The following VSTM2L variants were observed in gnomAD, a reference collection of about 807,000 sequenced individuals.
VSTM2L encodes V-set and transmembrane domain-containing protein 2-like protein.
Under a neutral mutation model 19.9 loss-of-function variants are expected in VSTM2L, and 9 were observed. That is an observed-to-expected ratio of 0.45 (90% CI 0.27 to 0.79). The LOEUF is 0.79. VSTM2L is among the 30% of genes least tolerant of loss of function. The pLI is 0.15. For missense variants in VSTM2L, 286 were observed against 295.5 expected (o/e 0.97, Z 0.24); for synonymous variants, 127 against 133.8 (o/e 0.95, Z 0.35).
rs549399353 is a variant in VSTM2L, at chr20:37,938,682, T to C, written c.342+5093T>C. ...GTCTCTTTCAGCGTAACTAGGTGCT[T>C]AATTGCACTGCTAAGGCCTGTCGAT... is the stretch of plus-strand genomic sequence containing the variant. On this transcript the variant is annotated intron_variant, in intron 3 of 3. Coordinates refer to ENST00000373461, the MANE Select transcript of VSTM2L (RefSeq NM_080607.3). 3.3e-5 allele frequency among the ~76,000 whole-genome samples: 5 copies of C among 152,352 alleles called. No individual in the cohort carries two copies. The South Asian group carries it at 1.0e-3, about 32-fold the overall frequency.
In VSTM2L at chr20:37,931,674, C is replaced by A; in HGVS notation, c.161C>A (p.Thr54Lys). The change falls in exon 2 of 4, where the codon ACG becomes AAG. Residue 54 changes from threonine to lysine, a missense_variant. By Grantham distance (78) the Thr-to-Lys change is moderately conservative (BLOSUM62 -1). Transcript: ENST00000373461. The part of the protein sequence containing the change: ...TETPHDMTAR[T>K]GEDVEMACSF... Reference sequence around the variant, plus strand: ...ACACCCCATGACATGACAGCACGGACGGGCGAGGACGTGGAGATGGCCTGC... The same window carrying A: ...ACACCCCATGACATGACAGCACGGAAGGGCGAGGACGTGGAGATGGCCTGC... 6.2e-7 allele frequency: 1 copy of A among 1,613,500 alleles called. No individual in the cohort carries two copies. Among genetic ancestry groups the A allele is most frequent in the Non-Finnish European group, 8.5e-7 (1 of 1,179,996 alleles).
intron 1 of VSTM2L, among the ~76,000 whole-genome samples, chr20:37,924,082 T>A (rs898897214): frequency 4.0e-5 from 6 of 151,754 alleles, no homozygotes; most frequent in African/African-American, 7.3e-5. Flanking sequence ...ACAAAAATTT[T>A]AAAAATTAGC....
chr20:37,944,236 G>A lies in VSTM2L; in HGVS notation c.598G>A (p.Glu200Lys). The A allele has an allele frequency of 6.6e-7, 1 of 1,513,690 alleles. No homozygotes were observed. The allele number at this position is 1,513,690 out of a possible 1,614,324, so 93.8% of individuals were successfully genotyped here. The change falls in exon 4 of 4, where the codon GAG becomes AAG. Residue 200 changes from glutamate (E) to lysine (K), a missense_variant. By Grantham distance (56) the Glu-to-Lys change is moderately conservative. Transcript: ENST00000373461. ...KELRKRSVDQ[E>K]ACSL ...GCTGAGGAAGCGCTCGGTGGACCAGGAGGCCTGCAGCCTCTAGACTGATGC... is the reference window on the plus strand; with the variant it reads ...GCTGAGGAAGCGCTCGGTGGACCAGAAGGCCTGCAGCCTCTAGACTGATGC...
chr20:37,928,420 A>G (rs1568839810), intron 1 of VSTM2L, among the ~76,000 whole-genome samples: 1 of 152,180 alleles, frequency 6.6e-6, no homozygotes, highest in East Asian at 1.9e-4. Flanking sequence ...ACCCTGCTCC[A>G]CCACTGCCCA....
At chr20:37,931,442 G>A (rs2072908221) in intron 1 of VSTM2L, among the ~76,000 whole-genome samples, 193 bp from the exon 2 acceptor site, 1 of 152,138 alleles carries the variant, frequency 6.6e-6, no homozygotes, top group South Asian at 2.1e-4. Flanking sequence ...CACACCCTTG[G>A]CCTGCCTTGC....
chr20:37,925,497 C>T (rs569458462), intron 1 of VSTM2L, among the ~76,000 whole-genome samples: 131 of 152,154 alleles, frequency 8.6e-4, no homozygotes, highest in African/African-American at 3.0e-3. Flanking sequence ...CACTTACCTA[C>T]GTCCACAGCG....
chr20:37,919,429 A>G (rs2072838432), intron 1 of VSTM2L, among the ~76,000 whole-genome samples: 1 of 152,242 alleles, frequency 6.6e-6, no homozygotes, highest in Non-Finnish European at 1.5e-5. Flanking sequence ...GGCCCTGGAC[A>G]CAGCCAGGCT....
intron 1 of VSTM2L, among the ~76,000 whole-genome samples, chr20:37,911,476 A>G (rs1568834222): frequency 6.6e-6 from 1 of 152,222 alleles, no homozygotes; most frequent in Non-Finnish European, 1.5e-5. Flanking sequence ...GGCGGCTAAT[A>G]AAGATCCGTC....
intron 3 of VSTM2L, among the ~76,000 whole-genome samples, chr20:37,936,815 A>G (rs1427692488): frequency 6.6e-6 from 1 of 152,150 alleles, no homozygotes; most frequent in African/African-American, 2.4e-5. Context: ...AGTGCCATGG[A>G]TTAGGCTATG....
rs75427552 is a variant in VSTM2L at position 37,917,692 on chromosome 20, C to T, written c.122-13943C>T. Among the ~76,000 whole-genome samples, 301 of 152,326 alleles carry T rather than the reference C, an allele frequency of 2.0e-3. 3 individuals are homozygous for T. The highest frequency in any genetic ancestry group is 6.2e-3 in the African/African-American group (256 of 41,584). On this transcript the variant is annotated intron_variant, in intron 1 of 3. Transcript: ENST00000373461. ...GCTCCCCCTCGCCCTAGTGCCCGAC[C>T]GTCCCCCTGGCCCCTTCCCCTGTTA...
Position 37,938,554 on chromosome 20 carries a change from A to G in VSTM2L, c.342+4965A>G, listed in dbSNP as rs1247849807. Among the ~76,000 whole-genome samples, 5 of 152,332 alleles carry G rather than the reference A, an allele frequency of 3.3e-5. No individual in the cohort carries two copies. In the East Asian group the frequency reaches 9.7e-4, roughly 29 times the overall value. Reference sequence around the variant, plus strand: ...GCTGGAAGACGATCCCAGCCTGCCCAATGTGAGCTGGCCTCGGAGTATCCC... The same window carrying G: ...GCTGGAAGACGATCCCAGCCTGCCCGATGTGAGCTGGCCTCGGAGTATCCC... On this transcript the variant is annotated intron_variant, in intron 3 of 3. Transcript: ENST00000373461.
At chr20:37,917,084 C>T (rs568753934) in intron 1 of VSTM2L, among the ~76,000 whole-genome samples, 1 of 152,234 alleles carries the variant, frequency 6.6e-6, no homozygotes, top group South Asian at 2.1e-4. Context: ...GAGGCCAAGA[C>T]GGGCGGATCA....
chr20:37,932,991 G>C (rs1034954190), intron 2 of VSTM2L, among the ~76,000 whole-genome samples: 2 of 152,222 alleles, frequency 1.3e-5, no homozygotes, highest in African/African-American at 4.8e-5. Context: ...GACACTTCCA[G>C]CCCTGCCACA....
At chr20:37,923,639 G>A (rs1349288794) in intron 1 of VSTM2L, among the ~76,000 whole-genome samples, 3 of 152,192 alleles carry the variant, frequency 2.0e-5, no homozygotes, top group Non-Finnish European at 4.4e-5. Flanking sequence ...TGAGCAGGGA[G>A]GGGGGCTCAG....
At chr20:37,909,074 A>G (rs2072765695) in intron 1 of VSTM2L, among the ~76,000 whole-genome samples, 1 of 152,172 alleles carries the variant, frequency 6.6e-6, no homozygotes, top group African/African-American at 2.4e-5. Context: ...GTCCAAGGAA[A>G]GAGGAGGAAG....
chr20:37,933,940 C>A (rs1043967375), intron 3 of VSTM2L, among the ~76,000 whole-genome samples: 13 of 152,236 alleles, frequency 8.5e-5, no homozygotes, highest in Non-Finnish European at 1.8e-4. Context: ...TCATGACTGA[C>A]TGAGTGTTAC....
chr20:37,914,149 GTGTGTGTA>G (rs1346309503), intron 1 of VSTM2L, among the ~76,000 whole-genome samples: 4 of 151,722 alleles, frequency 2.6e-5, no homozygotes, highest in Admixed American at 2.6e-4. Context: ...GTGTGTGTGC[GTGTGTGTA>G]TGTGTGTGGT....
chr20:37,920,898 AT>A (rs2072846661), intron 1 of VSTM2L, among the ~76,000 whole-genome samples: 3 of 12,116 alleles, frequency 2.5e-4, no homozygotes, highest in African/African-American at 2.5e-3. Context: ...TTCTCCCTTG[AT>A]TGATTGATTG....
intron 1 of VSTM2L, among the ~76,000 whole-genome samples, chr20:37,931,054 G>A (rs1300332046): frequency 2.6e-5 from 4 of 152,216 alleles, no homozygotes; most frequent in African/African-American, 9.6e-5. Context: ...AGAACAGCCA[G>A]AGCAAGAGTG....
Sources: allele counts gnomAD v4.1 joint callset (sites outside exome capture counted in the v4.1 genomes callset), GRCh38; gene constraint gnomAD v4.1.1; transcripts MANE v1.5; gene names NCBI Gene and HGNC (gene_info 2026-07-23, HGNC 2026-07-21).